RBM38: variants seen among roughly 807,000 people sequenced by gnomAD.
RBM38 encodes the protein RNA-binding protein 38.
Under a neutral mutation model 23.5 loss-of-function variants are expected in RBM38, and 11 were observed. The observed-to-expected ratio is 0.47, with a 90% CI of 0.29 to 0.77. The LOEUF (loss-of-function observed/expected upper bound fraction) is 0.77. Ranked by LOEUF, RBM38 falls within the 30% of genes least tolerant of loss-of-function variation. The pLI, the probability that RBM38 is intolerant of heterozygous loss-of-function variation, is 0.08. For synonymous variants in RBM38, 165 were observed against 166.1 expected (o/e 0.99, Z 0.05); for missense variants, 330 against 351.9 (o/e 0.94, Z 0.50).
chr20:57,392,734 G>A lies in RBM38; in HGVS notation c.318G>A (p.Val106=). 6.2e-7 allele frequency: 1 copy of A among 1,613,048 alleles called. No individual in the cohort carries two copies. The highest frequency in any genetic ancestry group is 8.5e-7 in the Non-Finnish European group (1 of 1,179,850). Residue 106 remains valine, a synonymous_variant, in exon 2 of 4, where the codon GTG becomes GTA. Coordinates refer to ENST00000356208, the MANE Select transcript of RBM38 (RefSeq NM_017495.6). ...NPIIDGRKAN[V]NLAYLGAKPR... is the part of the protein sequence containing the mutation. ...TCATCGACGGCCGCAAGGCCAACGT[G>A]AACCTGGCATATCTGGGCGCCAAGC...
At chr20:57,392,164 C>T (rs2067225990) in intron 1 of RBM38, 1 of 276,774 alleles carries the variant, frequency 3.6e-6, no homozygotes, top group Non-Finnish European at 7.1e-6. Context: ...GCAATGGCTC[C>T]ACCCCGGGGT....
At chr20:57,393,808 G>T (rs1439274045) in intron 3 of RBM38, among the ~76,000 whole-genome samples, 1 of 152,204 alleles carries the variant, frequency 6.6e-6, no homozygotes, top group Non-Finnish European at 1.5e-5. Flanking sequence ...TGATGTTTGT[G>T]AACGTTGCTG....
At position 57,409,275 on chromosome 20, in the gene RBM38, A is replaced by C. The variant is rs541415885; in HGVS notation, c.*1429A>C. ...GAATAAAGGTAGCTAATCTCATCATAATATTTTTATTAGAATGTTCTGATG... is the reference window on the plus strand; with the variant it reads ...GAATAAAGGTAGCTAATCTCATCATCATATTTTTATTAGAATGTTCTGATG... On this transcript the variant is annotated 3_prime_UTR_variant, in exon 4 of 4. Coordinates refer to ENST00000356208, the MANE Select transcript of RBM38 (RefSeq NM_017495.6). 2.0e-5 allele frequency: 3 copies of C among 152,668 alleles called. No homozygotes were observed. Among genetic ancestry groups the C allele is most frequent in the Non-Finnish European group, 2.9e-5 (2 of 68,048 alleles). The allele number at this position is 152,668 out of a possible 1,614,324, so 9.5% of individuals were successfully genotyped here. A position where few individuals can be genotyped will look rare whatever the true frequency, so the allele number is the denominator to read the frequency against.
At chr20:57,400,851 G>A (rs895049467) in intron 3 of RBM38, among the ~76,000 whole-genome samples, 43 of 152,122 alleles carry the variant, frequency 2.8e-4, no homozygotes, top group African/African-American at 9.9e-4. Flanking sequence ...AAACTGGAAG[G>A]GAAGGAGGCT....
intron 2 of RBM38, 109 bp downstream of exon 2, chr20:57,392,886 C>A (rs548734450): frequency 1.4e-6 from 2 of 1,440,664 alleles, no homozygotes; most frequent in African/African-American, 1.4e-5. Flanking sequence ...TGGCAGTCGG[C>A]TATCATGTGC....
intron 3 of RBM38, among the ~76,000 whole-genome samples, chr20:57,405,066 G>A (rs1040230848): frequency 2.6e-5 from 4 of 152,216 alleles, no homozygotes; most frequent in Non-Finnish European, 4.4e-5. Flanking sequence ...CCGCCATGCT[G>A]CTCCCCTGTG....
chr20:57,407,655 C>G lies in RBM38; in HGVS notation c.529C>G (p.Pro177Ala). The G allele has an allele frequency of 6.2e-7, 1 of 1,613,172 alleles. No homozygotes were observed. The highest frequency in any genetic ancestry group is 8.5e-7 in the Non-Finnish European group (1 of 1,179,814). ...CTACATTGAGTACACGCCGGCCAGC[C>G]CGGCCTACGCCCAGTACCCACCGGC... Reference protein sequence around the residue: ...SPYIEYTPASPAYAQYPPATY... With the variant: ...SPYIEYTPASAAYAQYPPATY... The change falls in exon 4 of 4, where the codon CCG (proline) becomes GCG (alanine). Residue 177 changes from proline (P) to alanine (A), a missense_variant. Pro to Ala is a conservative substitution (Grantham distance 27). Coordinates refer to ENST00000356208, the MANE Select transcript of RBM38 (RefSeq NM_017495.6). The surrounding 1 kb of genome is among the most constrained non-coding windows in gnomAD (Gnocchi z 4.0).
At chr20:57,393,522 A>G (rs187828870) in intron 3 of RBM38, among the ~76,000 whole-genome samples, 189 bp downstream of exon 3, 15 of 152,266 alleles carry the variant, frequency 9.9e-5, no homozygotes, top group Admixed American at 2.0e-4. Context: ...CACCTAGGGG[A>G]TGGTGAGCCT....
At chr20:57,400,085 G>A (rs1228234531) in intron 3 of RBM38, 1 of 440,296 alleles carries the variant, frequency 2.3e-6, no homozygotes, top group African/African-American at 2.0e-5. Context: ...GGAGGCCCAA[G>A]CCCTCTGTCT....
chr20:57,401,339 G>C (rs1040413645), intron 3 of RBM38, among the ~76,000 whole-genome samples: 1 of 152,186 alleles, frequency 6.6e-6, no homozygotes, highest in Non-Finnish European at 1.5e-5. Flanking sequence ...AGAGGCTGGC[G>C]GGCTGTGCCT....
chr20:57,405,444 T>G (rs1023270132), intron 3 of RBM38, among the ~76,000 whole-genome samples: 2 of 152,200 alleles, frequency 1.3e-5, no homozygotes, highest in Admixed American at 6.5e-5. Context: ...GAGGCGCCAC[T>G]GCGGGGTTCC....
intron 3 of RBM38, among the ~76,000 whole-genome samples, chr20:57,406,837 C>CA (rs1251798325): frequency 6.6e-6 from 1 of 151,892 alleles, no homozygotes; most frequent in East Asian, 1.9e-4. Flanking sequence ...ACTAAAAATA[C>CA]AAAAAAATTA....
chr20:57,394,805 G>A (rs1406198823), intron 3 of RBM38, among the ~76,000 whole-genome samples: 1 of 152,190 alleles, frequency 6.6e-6, no homozygotes, highest in Non-Finnish European at 1.5e-5. Context: ...GGCGCCTGGG[G>A]GCATGGACTG....
chr20:57,401,474 A>C (rs2067327418), intron 3 of RBM38, among the ~76,000 whole-genome samples: 1 of 152,204 alleles, frequency 6.6e-6, no homozygotes. Context: ...CCTGGGAAGC[A>C]GAGGCCATTC....
In RBM38 at chr20:57,408,061, T is replaced by C; in HGVS notation, c.*215T>C. The C allele has an allele frequency of 1.6e-6, 1 of 620,890 alleles. No homozygotes were observed. Among genetic ancestry groups the C allele is most frequent in the East Asian group, 2.8e-5 (1 of 36,126 alleles). 38.5% of individuals were successfully genotyped at this position (620,890 alleles called of 1,614,324 possible). A position where few individuals can be genotyped will look rare whatever the true frequency, so the allele number is the denominator to read the frequency against. On this transcript the variant is annotated 3_prime_UTR_variant, in exon 4 of 4. Transcript: ENST00000356208. The stretch of plus-strand genomic sequence containing the variant: ...GTCCCATTGTGTCTTGAGGGAGGAC[T>C]TTAAGAATGACTGAGAACTATTTAA...
intron 3 of RBM38, among the ~76,000 whole-genome samples, chr20:57,393,633 TTC>T (rs576090884): frequency 6.8e-4 from 103 of 152,224 alleles, no homozygotes; most frequent in Middle Eastern, 3.4e-3. Flanking sequence ...CACATCTGAG[TTC>T]TCTGAATGGA....
chr20:57,396,719 A>G (rs560066787), intron 3 of RBM38, among the ~76,000 whole-genome samples: 2 of 152,246 alleles, frequency 1.3e-5, no homozygotes, highest in East Asian at 3.9e-4. Context: ...CCAAGTCATG[A>G]CTACCAAAAA....
At position 57,407,921 on chromosome 20, in the gene RBM38, G is replaced by T; in HGVS notation, c.*75G>T. ...AGAGCTGCCAGGCCATGATGGGCTGGCGACAGCCCGGCTGAGCTTCAGTGA... is the reference window on the plus strand; with the variant it reads ...AGAGCTGCCAGGCCATGATGGGCTGTCGACAGCCCGGCTGAGCTTCAGTGA... On this transcript the variant is annotated 3_prime_UTR_variant, in exon 4 of 4. Coordinates refer to ENST00000356208, the MANE Select transcript of RBM38 (RefSeq NM_017495.6). This position sits in a 1 kb window ranked among gnomAD's most constrained non-coding sequence, Gnocchi z 4.0. 6.8e-7 allele frequency: 1 copy of T among 1,474,176 alleles called. No homozygotes were observed. Among genetic ancestry groups the T allele is most frequent in the Non-Finnish European group, 9.0e-7 (1 of 1,108,390 alleles). The allele number at this position is 1,474,176 out of a possible 1,614,324, so 91.3% of individuals were successfully genotyped here. A position where few individuals can be genotyped will look rare whatever the true frequency, so the allele number is the denominator to read the frequency against.
chr20:57,403,705 T>C (rs2067352763), intron 3 of RBM38, among the ~76,000 whole-genome samples: 1 of 151,984 alleles, frequency 6.6e-6, no homozygotes, highest in Non-Finnish European at 1.5e-5. Flanking sequence ...CACCACAACC[T>C]CCACCTTCTG....
Sources: allele counts gnomAD v4.1 joint callset (sites outside exome capture counted in the v4.1 genomes callset), GRCh38; gene constraint gnomAD v4.1.1; non-coding constraint Gnocchi (gnomAD v3.1); transcripts MANE v1.5; gene names NCBI Gene and HGNC (gene_info 2026-07-23, HGNC 2026-07-21).